Variants in ETNK2 observed in about 807,000 individuals in gnomAD.
ETNK2 encodes ethanolamine kinase 2, also known as ethanolamine kinase-like protein.
ETNK2 carries 33 observed loss-of-function variants against 46.2 expected under a neutral mutation model. The ratio of observed to expected loss-of-function variants is 0.71; its 90% CI spans 0.54 to 0.96. The LOEUF (loss-of-function observed/expected upper bound fraction) is 0.96, where lower values mean the gene tolerates loss of function less well. Among genes scored for constraint, ETNK2 ranks in the 40% least tolerant of loss-of-function variants. The probability of loss-of-function intolerance (pLI) is 0.00; values close to 1 mark genes in which losing one functional copy is unlikely to be tolerated. For synonymous variants in ETNK2, 194 were observed against 209.0 expected, an observed-to-expected ratio of 0.93 and a Z score of 0.62; for missense variants, 445 against 509.7, an observed-to-expected ratio of 0.87 and a Z score of 1.22.
chr1:204,141,685 C>T (rs756261638), intron 3 of ETNK2: 8 of 546,380 alleles, frequency 1.5e-5, no homozygotes, highest in Admixed American at 3.1e-5. Flanking sequence ...AAGACATGGG[C>T]GTCAAAGCAT....
chr1:204,151,355 G>C lies in ETNK2; in HGVS notation c.258+240C>G. On this transcript the variant is annotated intron_variant, in intron 1 of 7. Transcript: ENST00000367202. The surrounding 1 kb of genome is among the most constrained non-coding windows in gnomAD (Gnocchi z 8.0). The stretch of plus-strand genomic sequence containing the variant: ...GCAGCATGCCGACAGTGGGCAGGTG[G>C]CCACCAGGCGTGCCTAAGAGCCCCG... 1 of 590,294 alleles carries C rather than the reference G, an allele frequency of 1.7e-6. No homozygotes were observed. Among genetic ancestry groups the C allele is most frequent in the Non-Finnish European group, 2.9e-6 (1 of 348,502 alleles). The allele number at this position is 590,294 out of a possible 1,614,324, so 36.6% of individuals were successfully genotyped here.
intron 2 of ETNK2, among the ~76,000 whole-genome samples, chr1:204,147,789 C>T (rs888085377): frequency 1.3e-5 from 2 of 152,176 alleles, no homozygotes; most frequent in Non-Finnish European, 2.9e-5. Context: ...TGGAAGCCCC[C>T]AAGGCTCCCA....
chr1:204,147,854 A>G (rs1657853057), intron 2 of ETNK2, among the ~76,000 whole-genome samples: 1 of 152,168 alleles, frequency 6.6e-6, no homozygotes, highest in African/African-American at 2.4e-5. Context: ...TGGGTGAGAG[A>G]GGAAGGCTGT....
At chr1:204,136,110 A>G (rs1418175055) in intron 6 of ETNK2, among the ~76,000 whole-genome samples, 4 of 152,148 alleles carry the variant, frequency 2.6e-5, no homozygotes, top group African/African-American at 9.7e-5. Flanking sequence ...ACACACACAC[A>G]TATAGCCAGG....
intron 4 of ETNK2, among the ~76,000 whole-genome samples, chr1:204,140,573 G>A (rs1657471298): frequency 6.6e-6 from 1 of 151,374 alleles, no homozygotes; most frequent in Non-Finnish European, 1.5e-5. Context: ...CGCCCAGGCT[G>A]GAGTACAGTG....
chr1:204,140,698 T>C (rs1657479519), intron 4 of ETNK2, among the ~76,000 whole-genome samples: 1 of 151,536 alleles, frequency 6.6e-6, no homozygotes, highest in Non-Finnish European at 1.5e-5. Flanking sequence ...CTAATTTTTG[T>C]ATTTTTAGTA....
At chr1:204,141,148 G>A in intron 4 of ETNK2, 167 bp downstream of exon 4, 1 of 872,376 alleles carries the variant, frequency 1.1e-6, no homozygotes, top group Non-Finnish European at 1.9e-6. Context: ...TTTTCAAAGT[G>A]GGAATTTTTT....
intron 6 of ETNK2, 134 bp from the exon 7 acceptor site, chr1:204,134,722 A>G (rs774279211): frequency 1.3e-6 from 2 of 1,578,036 alleles, no homozygotes; most frequent in Non-Finnish European, 1.7e-6. Context: ...GGGTCTCCCT[A>G]GCACAAGCTG....
chr1:204,145,317 G>A (rs1000148483), intron 3 of ETNK2, among the ~76,000 whole-genome samples: 1 of 152,240 alleles, frequency 6.6e-6, no homozygotes, highest in African/African-American at 2.4e-5. Context: ...GTCAAAGGAA[G>A]CTGCAGTATC....
intron 2 of ETNK2, 64 bp downstream of exon 2, chr1:204,149,639 C>T: frequency 6.6e-7 from 1 of 1,504,864 alleles, no homozygotes; most frequent in African/African-American, 1.4e-5. Context: ...ACCCCACATG[C>T]CAAGGATTTC....
At chr1:204,141,816 G>T (rs1474896257) in intron 3 of ETNK2, 2 of 216,914 alleles carry the variant, frequency 9.2e-6, no homozygotes, top group Non-Finnish European at 9.2e-6. Flanking sequence ...TCCAGACCTG[G>T]GGATTCCAGA....
Position 204,151,053 on chromosome 1 carries a change from T to C in ETNK2, c.258+542A>G, listed in dbSNP as rs1179302627. On this transcript the variant is annotated intron_variant, in intron 1 of 7. Transcript: ENST00000367202. The surrounding 1 kb of genome is among the most constrained non-coding windows in gnomAD (Gnocchi z 8.0). ...CTGGGGAAGATGGCCTGTGTGGGGG[T>C]GCTGAGCCCGAGCCTGCAGCGATGG... 3 of 176,096 alleles carry C rather than the reference T, an allele frequency of 1.7e-5. No individual in the cohort carries two copies. Among genetic ancestry groups the C allele is most frequent in the Admixed American group, 1.2e-4 (2 of 16,848 alleles). The allele number at this position is 176,096 out of a possible 1,614,324, so 10.9% of individuals were successfully genotyped here.
At chr1:204,145,279 A>AC (rs1657735636) in intron 3 of ETNK2, among the ~76,000 whole-genome samples, 1 of 152,224 alleles carries the variant, frequency 6.6e-6, no homozygotes, top group Admixed American at 6.5e-5. Flanking sequence ...CAGTAAGGTT[A>AC]CCCCCAAGGT....
At chr1:204,142,126 G>A (rs949770275) in intron 3 of ETNK2, 1 of 152,502 alleles carries the variant, frequency 6.6e-6, no homozygotes, top group African/African-American at 2.4e-5. Flanking sequence ...ACAGACCATC[G>A]GCTCACATGA....
rs375433637 is a variant in ETNK2 at position 204,140,947 on chromosome 1, C to G, written c.784+368G>C. 6 of 340,722 alleles carry G rather than the reference C, an allele frequency of 1.8e-5. No individual in the cohort carries two copies. In the East Asian group the frequency reaches 2.3e-4, roughly 13 times the overall value. The allele number at this position is 340,722 out of a possible 1,614,324, so 21.1% of individuals were successfully genotyped here. Reference sequence around the variant, plus strand: ...AAGTGATTCTCCTGCCTCAGCCTCCCGAGGAGCTAGGACTATAGCATGTAC... The same window carrying G: ...AAGTGATTCTCCTGCCTCAGCCTCCGGAGGAGCTAGGACTATAGCATGTAC... On this transcript the variant is annotated intron_variant, in intron 4 of 7. Coordinates refer to ENST00000367202, the MANE Select transcript of ETNK2 (RefSeq NM_018208.4).
intron 3 of ETNK2, 76 bp from the exon 4 acceptor site, chr1:204,141,533 T>A (rs560866989): frequency 6.7e-7 from 1 of 1,485,768 alleles, no homozygotes; most frequent in Admixed American, 2.1e-5. Context: ...GCCCTGAATC[T>A]GAGCCTCATC....
rs377403947 is a variant in ETNK2, at chr1:204,149,763, T to C, written c.458A>G (p.Tyr153Cys). The C allele has an allele frequency of 1.9e-6, 3 of 1,605,846 alleles. No homozygotes were observed. The African/African-American group carries it at 4.0e-5, about 21-fold the overall frequency. The change falls in exon 2 of 8, where the codon TAT becomes TGT. Residue 153 changes from tyrosine (Y) to cysteine (C), a missense_variant. Tyr to Cys is a radical substitution (Grantham distance 194, BLOSUM62 -2). Coordinates refer to ENST00000367202, the MANE Select transcript of ETNK2 (RefSeq NM_018208.4). ...CAGGGCCACACCCTGCATGTACTCA[T>C]AGCACAGCCCATTCTGGAAGGTGCA... ...LYCTFQNGLC[Y>C]EYMQGVALEP...
At chr1:204,139,440 T>G (rs909164785) in intron 5 of ETNK2, among the ~76,000 whole-genome samples, 1 of 152,220 alleles carries the variant, frequency 6.6e-6, no homozygotes, top group African/African-American at 2.4e-5. Context: ...AAGTGCCATA[T>G]GGGCTAGGAG....
chr1:204,146,589 T>G (rs1288457786), intron 3 of ETNK2, 53 bp downstream of exon 3: 1 of 1,606,198 alleles, frequency 6.2e-7, no homozygotes, highest in Non-Finnish European at 8.5e-7. Context: ...GCCAAAAGGA[T>G]GGGGAAGGGA....
Sources: gnomAD v4.1 joint callset for allele counts (sites outside exome capture counted in the v4.1 genomes callset) on GRCh38, gnomAD v4.1.1 for gene constraint, Gnocchi (gnomAD v3.1) non-coding constraint, MANE v1.5 for transcripts, NCBI Gene and HGNC (gene_info 2026-07-23, HGNC 2026-07-21) for gene names.